The following PCDH12 variants were observed in gnomAD, a reference collection of about 807,000 sequenced individuals.
PCDH12 encodes protocadherin-12.
Under a neutral mutation model 70.9 loss-of-function variants are expected in PCDH12, and 45 were observed. The ratio of observed to expected loss-of-function variants is 0.63; its 90% CI spans 0.50 to 0.81. PCDH12 has a LOEUF of 0.81. Among genes scored for constraint, PCDH12 ranks in the 40% least tolerant of loss-of-function variants. The pLI is 0.00. For missense variants in PCDH12, 1,370 were observed against 1,491.7 expected (o/e 0.92, Z 1.34); for synonymous variants, 567 against 626.0 (o/e 0.91, Z 1.41).
chr5:141,951,149 A>T (rs1204629037), intron 2 of PCDH12, among the ~76,000 whole-genome samples: 4 of 152,208 alleles, frequency 2.6e-5, no homozygotes. Flanking sequence ...GGGTCAAGAG[A>T]AAGAGAGGTG....
At position 141,956,767 on chromosome 5, in the gene PCDH12, A is replaced by G; in HGVS notation, c.1085T>C (p.Leu362Pro). ...IHVTWASQPS[L>P]VSEALPKDSF... The stretch of plus-strand genomic sequence containing the variant: ...GTCCTTGGGAAGAGCTTCTGACACC[A>G]GTGATGGCTGGGAGGCCCATGTGAC... Residue 362 changes from leucine (L) to proline (P), a missense_variant, in exon 1 of 4, where the codon CTG becomes CCG. Physicochemically the swap from Leu to Pro is moderately conservative, Grantham distance 98. Transcript: ENST00000231484. 6.2e-7 allele frequency: 1 copy of G among 1,614,242 alleles called. No individual in the cohort carries two copies. Among genetic ancestry groups the G allele is most frequent in the Non-Finnish European group, 8.5e-7 (1 of 1,180,050 alleles).
intron 3 of PCDH12, 174 bp downstream of exon 3, chr5:141,949,258 A>G (rs1483113582): frequency 3.1e-6 from 3 of 953,052 alleles, no homozygotes; most frequent in Non-Finnish European, 3.7e-6. Flanking sequence ...TCAAAGTAGA[A>G]CCTGGTCTTT....
At chr5:141,948,908 C>T (rs1240312199) in intron 3 of PCDH12, among the ~76,000 whole-genome samples, 4 of 152,222 alleles carry the variant, frequency 2.6e-5, no homozygotes, top group Non-Finnish European at 4.4e-5. Flanking sequence ...GAATAATCAA[C>T]GTAGGCCAGG....
intron 1 of PCDH12, among the ~76,000 whole-genome samples, chr5:141,951,893 G>A (rs1156725949): frequency 6.6e-6 from 1 of 152,188 alleles, no homozygotes; most frequent in Non-Finnish European, 1.5e-5. Flanking sequence ...TGAGAGATGG[G>A]GTGAAAAAGG....
In PCDH12 at chr5:141,957,616, A is replaced by G. The variant is rs760065809; in HGVS notation, c.236T>C (p.Val79Ala). 3.2e-5 allele frequency: 51 copies of G among 1,614,120 alleles called. 1 individual carries two copies. The highest frequency in any genetic ancestry group is 9.3e-6 in the Non-Finnish European group (11 of 1,180,012). The change falls in exon 1 of 4, where the codon GTG (valine) becomes GCG (alanine). Residue 79 changes from valine to alanine, a missense_variant. Transcript: ENST00000231484. This position sits in a 1 kb window ranked among gnomAD's most constrained non-coding sequence, Gnocchi z 4.3. ...GCTGAGCAAGCCTTCCTCAGAGTCC[A>G]CCTGAATGGGGAGCGCCTGAGGCAG... ...LQLPQALPIQVDSEEGLLSTG... is the reference protein window; with the variant it reads ...LQLPQALPIQADSEEGLLSTG...
intron 3 of PCDH12, among the ~76,000 whole-genome samples, chr5:141,946,170 A>C (rs1157818743): frequency 1.3e-5 from 2 of 152,168 alleles, no homozygotes; most frequent in Non-Finnish European, 2.9e-5. Flanking sequence ...TTCTCCCCTC[A>C]GGGCTCCACT....
At position 141,944,140 on chromosome 5, in the gene PCDH12, C is replaced by T. The variant is rs1209131059; in HGVS notation, c.*1241G>A. On this transcript the variant is annotated 3_prime_UTR_variant, in exon 4 of 4. Transcript: ENST00000231484. ...TTGGGAAAATATCTGCTGTTTCTTCCCTCCCCCATCCCCTGGAAGGCTGGC... is the reference window on the plus strand; with the variant it reads ...TTGGGAAAATATCTGCTGTTTCTTCTCTCCCCCATCCCCTGGAAGGCTGGC... 6.6e-6 allele frequency: 1 copy of T among 152,218 alleles called. No homozygotes were observed. Among genetic ancestry groups the T allele is most frequent in the Non-Finnish European group, 1.5e-5 (1 of 68,092 alleles). 9.4% of individuals were successfully genotyped at this position (152,218 alleles called of 1,614,324 possible). A position where few individuals can be genotyped will look rare whatever the true frequency, so the allele number is the denominator to read the frequency against.
rs138577563 is a variant in PCDH12 at position 141,957,123 on chromosome 5, C to T, written c.729G>A (p.Ala243=). Residue 243 remains alanine, a synonymous_variant, in exon 1 of 4, where the codon GCG becomes GCA. Transcript: ENST00000231484. This position sits in a 1 kb window ranked among gnomAD's most constrained non-coding sequence, Gnocchi z 4.3. Reference sequence around the variant, plus strand: ...CCAGTGCCAGTGAACTCTCAGCAAACGCAGGGCTATTGTCATTGGAGTCCA... The same window carrying T: ...CCAGTGCCAGTGAACTCTCAGCAAATGCAGGGCTATTGTCATTGGAGTCCA... The part of the protein sequence containing the change: ...NVLDSNDNSP[A]FAESSLALEI... 54 of 1,614,092 alleles carry T rather than the reference C, an allele frequency of 3.3e-5. No homozygotes were observed. The highest frequency in any genetic ancestry group is 4.2e-5 in the Non-Finnish European group (49 of 1,180,008).
intron 3 of PCDH12, among the ~76,000 whole-genome samples, chr5:141,946,888 G>A (rs1176971474): frequency 1.5e-5 from 2 of 132,828 alleles, no homozygotes; most frequent in Non-Finnish European, 3.1e-5. Context: ...TTAAGAAACA[G>A]TGTCTTAAAA....
intron 2 of PCDH12, among the ~76,000 whole-genome samples, chr5:141,950,221 G>T (rs1484685377): frequency 6.6e-6 from 1 of 152,174 alleles, no homozygotes; most frequent in Non-Finnish European, 1.5e-5. Context: ...CCAGTCTCCT[G>T]CTGTCTCCAT....
At chr5:141,950,772 T>C (rs1369184992) in intron 2 of PCDH12, among the ~76,000 whole-genome samples, 1 of 152,172 alleles carries the variant, frequency 6.6e-6, no homozygotes, top group Non-Finnish European at 1.5e-5. Flanking sequence ...CACTCACTTG[T>C]TACATGACCT....
chr5:141,945,575 G>T lies in PCDH12; in HGVS notation c.3361C>A (p.Leu1121Met), dbSNP rs758207505. 4 of 1,614,106 alleles carry T rather than the reference G, an allele frequency of 2.5e-6. No individual in the cohort carries two copies. The South Asian group carries it at 4.4e-5, about 18-fold the overall frequency. Residue 1121 changes from leucine (L) to methionine (M), a missense_variant, in exon 4 of 4, where the codon CTG (leucine) becomes ATG (methionine). Leu to Met is a conservative substitution (Grantham distance 15, BLOSUM62 2). Transcript: ENST00000231484. ...ACGGGCATGCTGGAGCGCTGTTCCA[G>T]CAGCATCTCCAGCAGTGAGCTCATC... is the stretch of plus-strand genomic sequence containing the variant. ...SEMSSLLEML[L>M]EQRSSMPVEA...
chr5:141,948,928 T>C (rs767408006), intron 3 of PCDH12, among the ~76,000 whole-genome samples: 27 of 152,114 alleles, frequency 1.8e-4, no homozygotes, highest in East Asian at 1.9e-4. Context: ...GTGCCTACTT[T>C]GGCTTTGATT....
At chr5:141,945,872 G>A in intron 3 of PCDH12, 67 bp from the exon 4 acceptor site, 1 of 1,452,864 alleles carries the variant, frequency 6.9e-7, no homozygotes, top group South Asian at 1.3e-5. Context: ...TGAGGGTGGG[G>A]CAATGAGCAG....
rs1368904613 is a variant in PCDH12 at position 141,957,252 on chromosome 5, C to T, written c.600G>A (p.Lys200=). Residue 200 remains lysine, a synonymous_variant, in exon 1 of 4, where the codon AAG becomes AAA. Coordinates refer to ENST00000231484, the MANE Select transcript of PCDH12 (RefSeq NM_016580.4). This position sits in a 1 kb window ranked among gnomAD's most constrained non-coding sequence, Gnocchi z 4.3. ...ETKHAELIVV[K]ELDREIHSFF... is the part of the protein sequence containing the mutation. ...ATGAATGGATTTCCCTGTCCAGCTC[C>T]TTCACCACTATGAGTTCTGCATGTT... The T allele has an allele frequency of 6.2e-7, 1 of 1,614,054 alleles. No individual in the cohort carries two copies. Among genetic ancestry groups the T allele is most frequent in the East Asian group, 2.2e-5 (1 of 44,894 alleles).
In PCDH12 at chr5:141,955,657, A is replaced by G; in HGVS notation, c.2195T>C (p.Ile732Thr). The G allele has an allele frequency of 1.2e-6, 2 of 1,614,126 alleles. No homozygotes were observed. Among genetic ancestry groups the G allele is most frequent in the Non-Finnish European group, 8.5e-7 (1 of 1,180,032 alleles). ...GCAGATGGACATGAACAAAGCCAGG[A>G]TCAACCCGAAGATGCCCAACAGTAC... ...LAVLLGIFGL[I>T]LALFMSICRT... Residue 732 changes from isoleucine to threonine, a missense_variant, in exon 1 of 4, where the codon ATC (isoleucine) becomes ACC (threonine). Ile to Thr is a moderately conservative substitution (Grantham distance 89). Transcript: ENST00000231484. The surrounding 1 kb of genome is among the most constrained non-coding windows in gnomAD (Gnocchi z 5.5).
At position 141,943,682 on chromosome 5, in the gene PCDH12, T is replaced by G. The variant is rs1270734435; in HGVS notation, c.*1699A>C. 1 of 152,192 alleles carries G rather than the reference T, an allele frequency of 6.6e-6. No homozygotes were observed. The highest frequency in any genetic ancestry group is 2.4e-5 in the African/African-American group (1 of 41,444). 9.4% of individuals were successfully genotyped at this position (152,192 alleles called of 1,614,324 possible). On this transcript the variant is annotated 3_prime_UTR_variant, in exon 4 of 4. Coordinates refer to ENST00000231484, the MANE Select transcript of PCDH12 (RefSeq NM_016580.4). ...TGTTGCTTTGTAGCAGGCACCTGGC[T>G]GGTCAGGCTGGAGACCCTGCCTGCC...
At chr5:141,954,639 G>A (rs2126926174) in intron 1 of PCDH12, among the ~76,000 whole-genome samples, 1 of 152,316 alleles carries the variant, frequency 6.6e-6, no homozygotes, top group Non-Finnish European at 1.5e-5. Flanking sequence ...TACCTTTGCT[G>A]TGTGTCTACT....
chr5:141,952,435 A>G (rs915213981), intron 1 of PCDH12: 1 of 152,220 alleles, frequency 6.6e-6, no homozygotes, highest in African/African-American at 2.4e-5. Flanking sequence ...GCTCCATAGG[A>G]GTTTGGCAAG....
Sources: gnomAD v4.1 joint callset for allele counts (sites outside exome capture counted in the v4.1 genomes callset) on GRCh38, gnomAD v4.1.1 for gene constraint, Gnocchi (gnomAD v3.1) non-coding constraint, MANE v1.5 for transcripts, NCBI Gene and HGNC (gene_info 2026-07-23, HGNC 2026-07-21) for gene names.